The following NTMT1 variants were observed in gnomAD, a reference collection of about 807,000 sequenced individuals.
The protein encoded by NTMT1 is N-terminal Xaa-Pro-Lys N-methyltransferase 1.
In NTMT1, 8 loss-of-function variants were observed where a neutral mutation model predicts 17.5. That is an observed-to-expected ratio of 0.46 (90% CI 0.27 to 0.82). NTMT1 has a LOEUF of 0.82. Ranked by LOEUF, NTMT1 falls within the 40% of genes least tolerant of loss-of-function variation. The probability of loss-of-function intolerance (pLI) is 0.15; values close to 1 mark genes in which losing one functional copy is unlikely to be tolerated. For missense variants in NTMT1, 221 were observed against 303.5 expected (o/e 0.73, Z 2.02); for synonymous variants, 128 against 126.8 (o/e 1.01, Z -0.06).
In NTMT1 at chr9:129,613,469, G is replaced by T; in HGVS notation, c.-55+4291G>T. 6.2e-7 allele frequency: 1 copy of T among 1,614,068 alleles called. No individual in the cohort carries two copies. The highest frequency in any genetic ancestry group is 1.1e-5 in the South Asian group (1 of 91,086). On this transcript the variant is annotated intron_variant, in intron 1 of 3. Transcript: ENST00000372486. The surrounding 1 kb of genome is among the most constrained non-coding windows in gnomAD (Gnocchi z 6.2). ...CAGTCCCAACACGAGGAGCTGGCCAGGGTCTCCTCCTTGGCCCCAGGGTAC... is the reference window on the plus strand; with the variant it reads ...CAGTCCCAACACGAGGAGCTGGCCATGGTCTCCTCCTTGGCCCCAGGGTAC...
rs1588126335 is a variant in NTMT1 at position 129,620,718 on chromosome 9, G to A, written c.-55+11540G>A. The A allele has an allele frequency of 2.8e-6, 2 of 716,204 alleles. No homozygotes were observed. The highest frequency in any genetic ancestry group is 1.9e-6 in the Non-Finnish European group (1 of 518,006). 44.4% of individuals were successfully genotyped at this position (716,204 alleles called of 1,614,324 possible). ...GCGGGGTGAACGCCACCGGCCCGGC[G>A]GACAGCGAGTGGCTTCAGGCGAGAG... is the stretch of plus-strand genomic sequence containing the variant. On this transcript the variant is annotated intron_variant, in intron 1 of 3. Transcript: ENST00000372486. This position sits in a 1 kb window ranked among gnomAD's most constrained non-coding sequence, Gnocchi z 5.8.
At chr9:129,617,998 T>C (rs574966797) in intron 1 of NTMT1, among the ~76,000 whole-genome samples, 1 of 152,234 alleles carries the variant, frequency 6.6e-6, no homozygotes, top group Admixed American at 6.5e-5. Context: ...GTTCCATTTC[T>C]AGTTCCTACC....
At chr9:129,618,391 G>A (rs1251113070) in intron 1 of NTMT1, among the ~76,000 whole-genome samples, 1 of 152,214 alleles carries the variant, frequency 6.6e-6, no homozygotes, top group Admixed American at 6.5e-5. Flanking sequence ...AAATGATGGT[G>A]GGATGGGTAA....
At chr9:129,615,339 A>T in intron 1 of NTMT1, 1 of 884,208 alleles carries the variant, frequency 1.1e-6, no homozygotes, top group Non-Finnish European at 1.6e-6. Flanking sequence ...CAAGGAGGCC[A>T]GTTCAGGCAC....
chr9:129,619,695 A>G (rs1564338405), intron 1 of NTMT1: 1 of 1,612,482 alleles, frequency 6.2e-7, no homozygotes, highest in Non-Finnish European at 8.5e-7. Context: ...CCCTGGAAAC[A>G]TCGATGGCAA....
chr9:129,623,802 G>A (rs1830811153), upstream of NTMT1, among the ~76,000 whole-genome samples: 1 of 148,986 alleles, frequency 6.7e-6, no homozygotes, highest in Non-Finnish European at 1.5e-5. Context: ...AGATTAACTA[G>A]ACGGTTTCTT....
At chr9:129,633,710 C>T (rs1026374570) in intron 2 of NTMT1, 2 of 211,726 alleles carry the variant, frequency 9.4e-6, no homozygotes, top group African/African-American at 4.6e-5. Flanking sequence ...CCTGTAGTCC[C>T]AGCTACTTGG....
upstream of NTMT1, among the ~76,000 whole-genome samples, chr9:129,621,577 G>A (rs1042860757): frequency 1.3e-5 from 2 of 152,080 alleles, no homozygotes; most frequent in South Asian, 2.1e-4. Flanking sequence ...TATGTTGCAC[G>A]GGCTGGTCTT....
chr9:129,623,755 A>G (rs1830808863), upstream of NTMT1, among the ~76,000 whole-genome samples: 1 of 56,256 alleles, frequency 1.8e-5, no homozygotes, highest in African/African-American at 7.1e-5. Flanking sequence ...GTATTTATTT[A>G]AAGGGTATGT....
At chr9:129,626,756 G>A (rs1203448631) in intron 1 of NTMT1, among the ~76,000 whole-genome samples, 1 of 152,206 alleles carries the variant, frequency 6.6e-6, no homozygotes, top group Non-Finnish European at 1.5e-5. Flanking sequence ...TGCCACCCGA[G>A]CGCCAGCCCG....
Position 129,632,132 on chromosome 9 carries a change from G to C in NTMT1, c.-54-518G>C, listed in dbSNP as rs576426340. 2.6e-5 allele frequency among the ~76,000 whole-genome samples: 4 copies of C among 152,272 alleles called. No homozygotes were observed. The South Asian group carries it at 8.3e-4, about 32-fold the overall frequency. ...TCTGTGCCCTGAAGCCACTGAGTCAGGTGTCATATAGAGCATATCAAGAAC... is the reference window on the plus strand; with the variant it reads ...TCTGTGCCCTGAAGCCACTGAGTCACGTGTCATATAGAGCATATCAAGAAC... On this transcript the variant is annotated intron_variant, in intron 1 of 3. Transcript: ENST00000372483.
intron 1 of NTMT1, among the ~76,000 whole-genome samples, chr9:129,618,622 G>A (rs1363749676): frequency 6.8e-6 from 1 of 146,722 alleles, no homozygotes; most frequent in African/African-American, 2.7e-5. Flanking sequence ...ATTTGTAGAT[G>A]GTTGGTCATT....
chr9:129,634,281 C>T lies in NTMT1; in HGVS notation c.390C>T (p.Asp130=), dbSNP rs371360242. 72 of 1,609,636 alleles carry T rather than the reference C, an allele frequency of 4.5e-5. No individual in the cohort carries two copies. The highest frequency in any genetic ancestry group is 5.9e-5 in the Non-Finnish European group (70 of 1,177,296). Residue 130 remains aspartate, a synonymous_variant, in exon 3 of 4, where the codon GAC becomes GAT. Transcript: ENST00000372483. The part of the protein sequence containing the change: ...QDFTPEPDSY[D]VIWIQWVIGH... Reference sequence around the variant, plus strand: ...TCACCCCGGAGCCGGACTCTTACGACGTGATCTGGATCCAGTGGGTGATAG... The same window carrying T: ...TCACCCCGGAGCCGGACTCTTACGATGTGATCTGGATCCAGTGGGTGATAG...
chr9:129,613,692 G>T lies in NTMT1; in HGVS notation c.-55+4514G>T. On this transcript the variant is annotated intron_variant, in intron 1 of 3. Coordinates refer to the NTMT1 transcript ENST00000372486. This position sits in a 1 kb window ranked among gnomAD's most constrained non-coding sequence, Gnocchi z 6.2. ...TCCCTCTGGCAGGCAGGGCCGGTCA[G>T]AGCCCTGTCTCCATGGCAACCCCAG... 1 of 1,504,116 alleles carries T rather than the reference G, an allele frequency of 6.6e-7. No individual in the cohort carries two copies. Among genetic ancestry groups the T allele is most frequent in the Non-Finnish European group, 9.0e-7 (1 of 1,105,300 alleles). 93.2% of individuals were successfully genotyped at this position (1,504,116 alleles called of 1,614,324 possible). A position where few individuals can be genotyped will look rare whatever the true frequency, so the allele number is the denominator to read the frequency against.
At chr9:129,627,078 C>A (rs992650105) in intron 1 of NTMT1, among the ~76,000 whole-genome samples, 1 of 152,224 alleles carries the variant, frequency 6.6e-6, no homozygotes, top group Non-Finnish European at 1.5e-5. Flanking sequence ...TAATTCTGTT[C>A]TCGGCTTCCT....
At chr9:129,621,441 C>T (rs1430218068), upstream of NTMT1, among the ~76,000 whole-genome samples, 1 of 152,242 alleles carries the variant, frequency 6.6e-6, no homozygotes, top group Non-Finnish European at 1.5e-5. Context: ...ACTGCAGCCT[C>T]AAATTCTTGG....
chr9:129,609,681 GC>G (rs1430856253), intron 1 of NTMT1, among the ~76,000 whole-genome samples: 1 of 151,804 alleles, frequency 6.6e-6, no homozygotes, highest in Admixed American at 6.6e-5. Context: ...CCCCCGGAGG[GC>G]CCCCGGGGAA....
chr9:129,617,626 A>G (rs1434193588), intron 1 of NTMT1, among the ~76,000 whole-genome samples: 1 of 152,076 alleles, frequency 6.6e-6, no homozygotes, highest in Non-Finnish European at 1.5e-5. Flanking sequence ...AGTCATGTGT[A>G]TATTTGGCCT....
rs1831398889 is a variant in NTMT1 at position 129,634,504 on chromosome 9, T to C, written c.415+198T>C. ...CGGCCTAAAAGGTAGATTTCTTCCT[T>C]CTAGGTTTTGTTTCAGTTGAATACC... On this transcript the variant is annotated intron_variant, in intron 3 of 3. Coordinates refer to ENST00000372483, the MANE Select transcript of NTMT1 (RefSeq NM_014064.4). The C allele has an allele frequency of 5.7e-6, 3 of 524,648 alleles. No homozygotes were observed. The Middle Eastern group carries it at 1.5e-3, about 265-fold the overall frequency. 32.5% of individuals were successfully genotyped at this position (524,648 alleles called of 1,614,324 possible). A position where few individuals can be genotyped will look rare whatever the true frequency, so the allele number is the denominator to read the frequency against.
Sources: gnomAD v4.1 joint callset for allele counts (sites outside exome capture counted in the v4.1 genomes callset) on GRCh38, gnomAD v4.1.1 for gene constraint, Gnocchi (gnomAD v3.1) non-coding constraint, MANE v1.5 for transcripts, NCBI Gene and HGNC (gene_info 2026-07-23, HGNC 2026-07-21) for gene names.